Variants in ZHX2 observed in about 807,000 individuals in gnomAD.
ZHX2 encodes the protein zinc fingers and homeoboxes protein 2.
ZHX2 carries 6 observed loss-of-function variants against 21.9 expected under a neutral mutation model. That is an observed-to-expected ratio of 0.27 (90% confidence interval 0.15 to 0.54). The LOEUF (loss-of-function observed/expected upper bound fraction) is 0.54. Among genes scored for constraint, ZHX2 ranks in the 20% least tolerant of loss-of-function variants. ZHX2 has a pLI of 0.95. For missense variants in ZHX2, 908 were observed against 1,090.7 expected, an observed-to-expected ratio of 0.83 and a Z score of 2.36; for synonymous variants, 434 against 437.1, an observed-to-expected ratio of 0.99 and a Z score of 0.09.
At chr8:122,792,447 T>C (rs1817534927) in intron 1 of ZHX2, among the ~76,000 whole-genome samples, 1 of 152,214 alleles carries the variant, frequency 6.6e-6, no homozygotes, top group Non-Finnish European at 1.5e-5. Flanking sequence ...ATACAAGTCT[T>C]TGTTTAGAGA....
At chr8:122,780,408 C>G (rs1586566832), upstream of ZHX2, 1 of 152,490 alleles carries the variant, frequency 6.6e-6, no homozygotes, top group African/African-American at 2.4e-5. Context: ...AGCTTCTAAA[C>G]TAGCCCCCAG....
intron 2 of ZHX2, among the ~76,000 whole-genome samples, chr8:122,908,286 G>A (rs546497659): frequency 1.6e-4 from 24 of 152,252 alleles, no homozygotes; most frequent in African/African-American, 5.1e-4. Context: ...TGCAACCTCC[G>A]CCTCCCGAGT....
chr8:122,937,828 C>T (rs889998760), intron 2 of ZHX2, among the ~76,000 whole-genome samples: 61 of 152,126 alleles, frequency 4.0e-4, no homozygotes, highest in Middle Eastern at 3.4e-3. Context: ...GCAATCCACC[C>T]GCCTCAGCCT....
At chr8:122,819,137 A>G (rs893579205) in intron 1 of ZHX2, among the ~76,000 whole-genome samples, 1 of 152,202 alleles carries the variant, frequency 6.6e-6, no homozygotes, top group South Asian at 2.1e-4. Flanking sequence ...GCATGAGAAG[A>G]CAGTGGTTAG....
chr8:122,901,526 C>T (rs1820230269), intron 2 of ZHX2, among the ~76,000 whole-genome samples: 1 of 152,192 alleles, frequency 6.6e-6, no homozygotes, highest in Non-Finnish European at 1.5e-5. Context: ...ATGGAATGCT[C>T]ACTTTCATTT....
Position 122,951,472 on chromosome 8 carries a change from C to T in ZHX2, c.-39C>T, listed in dbSNP as rs1295550677. Reference sequence around the variant, plus strand: ...AAGAATCTCACCGCCCCCTCCTTATCCCCCTCCAAAAATAAGCCATTGCAC... The same window carrying T: ...AAGAATCTCACCGCCCCCTCCTTATTCCCCTCCAAAAATAAGCCATTGCAC... On this transcript the variant is annotated 5_prime_UTR_variant, in exon 3 of 4. Coordinates refer to ENST00000314393, the MANE Select transcript of ZHX2 (RefSeq NM_014943.5). The T allele has an allele frequency of 6.5e-7, 1 of 1,544,606 alleles. No individual in the cohort carries two copies. Among genetic ancestry groups the T allele is most frequent in the East Asian group, 2.3e-5 (1 of 43,842 alleles).
chr8:122,875,895 C>A (rs1228269490), intron 2 of ZHX2, among the ~76,000 whole-genome samples: 2 of 152,216 alleles, frequency 1.3e-5, no homozygotes, highest in Non-Finnish European at 2.9e-5. Context: ...GACCCCTTTT[C>A]CCTAATTCTC....
intron 1 of ZHX2, among the ~76,000 whole-genome samples, chr8:122,783,214 C>G (rs1227012134): frequency 6.6e-6 from 1 of 152,140 alleles, no homozygotes; most frequent in Admixed American, 6.5e-5. Context: ...TTTTGTTTGT[C>G]TGGGGCGTGG....
intron 3 of ZHX2, among the ~76,000 whole-genome samples, chr8:122,957,040 C>A (rs994644542): frequency 3.3e-5 from 5 of 152,094 alleles, no homozygotes; most frequent in African/African-American, 1.2e-4. Flanking sequence ...GAACGAAGGT[C>A]GCCTGAATAG....
chr8:122,882,944 T>G (rs1819749421), intron 2 of ZHX2, among the ~76,000 whole-genome samples: 1 of 152,078 alleles, frequency 6.6e-6, no homozygotes, highest in South Asian at 2.1e-4. Flanking sequence ...ATGGCACCAC[T>G]ATACTCCAGC....
chr8:122,938,835 CA>C (rs112900479), intron 2 of ZHX2, among the ~76,000 whole-genome samples: 4 of 147,984 alleles, frequency 2.7e-5, no homozygotes, highest in African/African-American at 5.0e-5. Flanking sequence ...AAGACTCTGT[CA>C]AAAAAAAAGA....
intron 2 of ZHX2, among the ~76,000 whole-genome samples, chr8:122,950,090 G>A (rs553160370): frequency 6.6e-6 from 1 of 152,182 alleles, no homozygotes; most frequent in East Asian, 1.9e-4. Flanking sequence ...GCCAGTTGAG[G>A]CCAAAACTCT....
intron 2 of ZHX2, among the ~76,000 whole-genome samples, chr8:122,897,320 G>C (rs576824975): frequency 6.6e-6 from 1 of 152,338 alleles, no homozygotes; most frequent in Admixed American, 6.5e-5. Context: ...AGAATGAAAT[G>C]ATCTTTGGGG....
chr8:122,834,635 G>C (rs1257542029), intron 1 of ZHX2, among the ~76,000 whole-genome samples: 1 of 152,216 alleles, frequency 6.6e-6, no homozygotes, highest in Non-Finnish European at 1.5e-5. Context: ...TCATTGTGGG[G>C]TTTGAGGGCC....
chr8:122,840,056 G>A (rs60399642), intron 1 of ZHX2, among the ~76,000 whole-genome samples: 10 of 152,184 alleles, frequency 6.6e-5, no homozygotes, highest in Admixed American at 6.5e-4. Flanking sequence ...CACTGGACTA[G>A]AATCCAGATT....
At chr8:122,795,548 ACTT>A (rs1358803081) in intron 1 of ZHX2, among the ~76,000 whole-genome samples, 2 of 136,102 alleles carry the variant, frequency 1.5e-5, no homozygotes, top group Non-Finnish European at 3.4e-5. Context: ...CCAATAGTAA[ACTT>A]TTTTTTTTTA....
At chr8:122,840,640 T>C (rs1204651338) in intron 1 of ZHX2, among the ~76,000 whole-genome samples, 1 of 152,224 alleles carries the variant, frequency 6.6e-6, no homozygotes, top group African/African-American at 2.4e-5. Context: ...GCATACTCAA[T>C]AAATAAGAGT....
intron 2 of ZHX2, among the ~76,000 whole-genome samples, chr8:122,946,988 G>T (rs934663738): frequency 6.7e-6 from 1 of 149,906 alleles, no homozygotes; most frequent in African/African-American, 2.4e-5. Flanking sequence ...GGGTGTGGTG[G>T]CTCACACCTG....
In ZHX2 at chr8:122,935,815, G is replaced by A. The variant is rs533806258; in HGVS notation, c.-219-15477G>A. On this transcript the variant is annotated intron_variant, in intron 2 of 3. Transcript: ENST00000314393. ...CTCCCAAAGTGCTGGGATTACAGGT[G>A]TGAGCCACCACGCCCGGCCGAGAGT... 1.2e-4 allele frequency among the ~76,000 whole-genome samples: 18 copies of A among 152,268 alleles called. No homozygotes were observed. The South Asian group carries it at 2.7e-3, about 23-fold the overall frequency.
Sources: gnomAD v4.1 joint callset for allele counts (sites outside exome capture counted in the v4.1 genomes callset) on GRCh38, gnomAD v4.1.1 for gene constraint, MANE v1.5 for transcripts, NCBI Gene and HGNC (gene_info 2026-07-23, HGNC 2026-07-21) for gene names.